PTPRS: variants seen among roughly 807,000 people sequenced by gnomAD.
The protein encoded by PTPRS is protein tyrosine phosphatase receptor type S, also known as receptor-type tyrosine-protein phosphatase S.
In PTPRS, 63 loss-of-function variants were observed where a neutral mutation model predicts 215.3. The ratio of observed to expected loss-of-function variants is 0.29; its 90% CI spans 0.24 to 0.36. The LOEUF (loss-of-function observed/expected upper bound fraction) is 0.36, where lower values mean the gene tolerates loss of function less well. PTPRS is among the 10% of genes least tolerant of loss of function. The probability of loss-of-function intolerance (pLI) is 1.00; values close to 1 mark genes in which losing one functional copy is unlikely to be tolerated. For missense variants in PTPRS, 2,258 were observed against 2,825.8 expected (o/e 0.80, Z 4.56); for synonymous variants, 1,404 against 1,191.4 (o/e 1.18, Z -3.68).
chr19:5,212,120 T>A lies in PTPRS; in HGVS notation c.4900A>T (p.Thr1634Ser). 6.2e-7 allele frequency: 1 copy of A among 1,614,092 alleles called. No homozygotes were observed. Among genetic ancestry groups the A allele is most frequent in the Non-Finnish European group, 8.5e-7 (1 of 1,180,050 alleles). Residue 1634 changes from threonine (T) to serine (S), a missense_variant, in exon 32 of 38, where the codon ACG (threonine) becomes TCG (serine). By Grantham distance (58) the Thr-to-Ser change is moderately conservative. Coordinates refer to ENST00000262963, the MANE Select transcript of PTPRS (RefSeq NM_002850.4). ...TGGATGAAGCTGTACTGGTCCTCCG[T>A]CTGCACCATGTAGTTGCGCTGGGAC... ...MRSQRNYMVQ[T>S]EDQYSFIHEA...
At chr19:5,280,753 C>T (rs1354117008) in intron 2 of PTPRS, among the ~76,000 whole-genome samples, 2 of 151,662 alleles carry the variant, frequency 1.3e-5, no homozygotes, top group African/African-American at 4.8e-5. Context: ...AATCACTAGA[C>T]CCACCATGTA....
At position 5,245,813 on chromosome 19, in the gene PTPRS, C is replaced by A. The variant is rs868428680; in HGVS notation, c.951G>T (p.Leu317=). 1.7e-5 allele frequency: 28 copies of A among 1,612,228 alleles called. No individual in the cohort carries two copies. The Middle Eastern group carries it at 1.7e-3, about 95-fold the overall frequency. The change falls in exon 10 of 38, where the codon CTG becomes CTT. Residue 317 remains leucine (L), a synonymous_variant. Transcript: ENST00000262963. The stretch of plus-strand genomic sequence containing the variant: ...TCTGAGCAACCGCCTCAATGACGCC[C>A]AGGCTGGACATGGCCACGCAGGTGT... ...ANYTCVAMSS[L]GVIEAVAQIT...
rs114955908 is a variant in PTPRS at position 5,308,130 on chromosome 19, T to C, written c.-94-21896A>G. Among the ~76,000 whole-genome samples the C allele has an allele frequency of 6.4e-3, 982 of 152,312 alleles. 10 individuals are homozygous for C. Among genetic ancestry groups the C allele is most frequent in the African/African-American group, 0.023 (955 of 41,564 alleles). ...TTGTATCCCATGTGTACGCATTCTC[T>C]GGCCAGAACAACATATTAAAAATAA... On this transcript the variant is annotated intron_variant, in intron 1 of 37. Coordinates refer to ENST00000262963, the MANE Select transcript of PTPRS (RefSeq NM_002850.4).
chr19:5,337,239 T>C (rs1010758717), intron 1 of PTPRS, among the ~76,000 whole-genome samples: 1 of 152,244 alleles, frequency 6.6e-6, no homozygotes, highest in African/African-American at 2.4e-5. Flanking sequence ...TATCCCTTTT[T>C]ATTTTTAGGG....
rs2049010937 is a variant in PTPRS, at chr19:5,293,430, C to A, written c.-94-7196G>T. 6.6e-6 allele frequency among the ~76,000 whole-genome samples: 1 copy of A among 151,632 alleles called. No homozygotes were observed. The highest frequency in any genetic ancestry group is 2.4e-5 in the African/African-American group (1 of 41,274). ...ACCAGAGGGGAGCCCCATCTGGAGG[C>A]GCGGAGAGCCTCCGCAGGAGTCCAT... On this transcript the variant is annotated intron_variant, in intron 1 of 37. Coordinates refer to ENST00000262963, the MANE Select transcript of PTPRS (RefSeq NM_002850.4). The surrounding 1 kb of genome is among the most constrained non-coding windows in gnomAD (Gnocchi z 8.4).
Position 5,295,404 on chromosome 19 carries a change from T to C in PTPRS, c.-94-9170A>G, listed in dbSNP as rs1357400328. ...GCAGACTCTTGCCCCTATTCCACAG[T>C]GGTGACTGCAGTTGGCAGGGGACAC... On this transcript the variant is annotated intron_variant, in intron 1 of 37. Transcript: ENST00000262963. The surrounding 1 kb of genome is among the most constrained non-coding windows in gnomAD (Gnocchi z 4.6). 1.3e-5 allele frequency among the ~76,000 whole-genome samples: 2 copies of C among 152,110 alleles called. No homozygotes were observed. The highest frequency in any genetic ancestry group is 2.4e-5 in the African/African-American group (1 of 41,440).
chr19:5,302,337 C>T (rs1266717689), intron 1 of PTPRS, among the ~76,000 whole-genome samples: 1 of 152,198 alleles, frequency 6.6e-6, no homozygotes, highest in Non-Finnish European at 1.5e-5. Context: ...TAAACACCAG[C>T]TTGGGTGACA....
rs1240393686 is a variant in PTPRS at position 5,293,248 on chromosome 19, TCGGGAGAG to T, written c.-94-7022_-94-7015del. ...CCGGAGCGCGGCGCGCAGCGAAGACTCGGGAGAGGCCTCGGCCTGGGGAGCTCGGCCTG... is the reference window on the plus strand; with the variant it reads ...CCGGAGCGCGGCGCGCAGCGAAGACTGCCTCGGCCTGGGGAGCTCGGCCTG... On this transcript the variant is annotated intron_variant, in intron 1 of 37. Transcript: ENST00000262963. The surrounding 1 kb of genome is among the most constrained non-coding windows in gnomAD (Gnocchi z 8.4). The T allele has an allele frequency of 6.9e-6, 1 of 145,976 alleles. No individual in the cohort carries two copies. The highest frequency in any genetic ancestry group is 2.2e-4 in the East Asian group (1 of 4,574). The allele number at this position is 145,976 out of a possible 1,614,324, so 9.0% of individuals were successfully genotyped here. A position where few individuals can be genotyped will look rare whatever the true frequency, so the allele number is the denominator to read the frequency against.
chr19:5,332,751 G>A (rs547029279), intron 1 of PTPRS, among the ~76,000 whole-genome samples: 6 of 152,234 alleles, frequency 3.9e-5, no homozygotes, highest in Non-Finnish European at 8.8e-5. Context: ...GCCTTGGCCT[G>A]ACAGATGTTC....
chr19:5,245,935 T>C lies in PTPRS; in HGVS notation c.829A>G (p.Lys277Glu). 1 of 1,613,358 alleles carries C rather than the reference T, an allele frequency of 6.2e-7. No individual in the cohort carries two copies. Among genetic ancestry groups the C allele is most frequent in the Non-Finnish European group, 8.5e-7 (1 of 1,179,764 alleles). ...AGGTCCTCGGCCCCCTGCATCCACTTCACGTATGGCATGGGCGAGCCCACG... is the reference window on the plus strand; with the variant it reads ...AGGTCCTCGGCCCCCTGCATCCACTCCACGTATGGCATGGGCGAGCCCACG... ...VAVGSPMPYVKWMQGAEDLTP... is the reference protein window; with the variant it reads ...VAVGSPMPYVEWMQGAEDLTP... Residue 277 changes from lysine to glutamate, a missense_variant, in exon 10 of 38, where the codon AAG becomes GAG. By Grantham distance (56) the Lys-to-Glu change is moderately conservative. Around this residue, in one of 6 missense-constraint regions of PTPRS, gnomAD observed 508 missense variants for 799.4 expected, o/e 0.64. Coordinates refer to ENST00000262963, the MANE Select transcript of PTPRS (RefSeq NM_002850.4).
At chr19:5,274,090 T>C (rs1214504347) in intron 3 of PTPRS, 109 bp downstream of exon 3, 3 of 1,446,250 alleles carry the variant, frequency 2.1e-6, no homozygotes, top group Non-Finnish European at 2.8e-6. Flanking sequence ...TGGCCACAGA[T>C]GATGCTCCAC....
In PTPRS at chr19:5,222,932, C is replaced by A. The variant is rs749987801; in HGVS notation, c.2860G>T (p.Val954Leu). The A allele has an allele frequency of 5.1e-6, 8 of 1,557,826 alleles. No homozygotes were observed. In the Admixed American group the frequency reaches 1.5e-4, roughly 29 times the overall value. Residue 954 changes from valine (V) to leucine (L), a missense_variant, in exon 18 of 38, where the codon GTG (valine) becomes TTG (leucine). Around this residue, in one of 6 missense-constraint regions of PTPRS, gnomAD observed 361 missense variants for 332.6 expected, o/e 1.09. Transcript: ENST00000262963. The stretch of plus-strand genomic sequence containing the variant: ...ATGGCCCCGTTGCGCTCGGCGGGCA[C>A]GGGTGGCAGCCAGCGGAGAAGGACG... ...GTVLLRWLPP[V>L]PAERNGAIVK...
intron 2 of PTPRS, among the ~76,000 whole-genome samples, chr19:5,275,951 A>G (rs2047325323): frequency 6.6e-6 from 1 of 152,246 alleles, no homozygotes; most frequent in Non-Finnish European, 1.5e-5. Context: ...CCTAGCCTCG[A>G]GCAATCCTCC....
At chr19:5,274,754 T>C (rs1036388929) in intron 2 of PTPRS, among the ~76,000 whole-genome samples, 2 of 152,170 alleles carry the variant, frequency 1.3e-5, no homozygotes, top group African/African-American at 2.4e-5. Flanking sequence ...CCCTCCATGG[T>C]GACCAGCCAA....
intron 22 of PTPRS, 42 bp from the exon 23 acceptor site, chr19:5,219,509 C>T (rs1411803631): frequency 6.6e-7 from 1 of 1,519,412 alleles, no homozygotes; most frequent in African/African-American, 1.4e-5. Context: ...GTCCACCCTC[C>T]TTGTAGTGGC....
At chr19:5,248,364 AAACAC>A (rs1382939391) in intron 9 of PTPRS, among the ~76,000 whole-genome samples, 2 of 151,866 alleles carry the variant, frequency 1.3e-5, no homozygotes, top group Admixed American at 1.3e-4. Context: ...CTCCAAAACA[AAACAC>A]AACACCCAAA....
chr19:5,229,727 C>T, intron 14 of PTPRS, 43 bp from the exon 15 acceptor site: 1 of 1,185,846 alleles, frequency 8.4e-7, no homozygotes, highest in Non-Finnish European at 1.1e-6. Flanking sequence ...GGAGCCGTTA[C>T]CAGGGCGCCC....
In PTPRS at chr19:5,229,347, G is replaced by C. The variant is rs1336406913; in HGVS notation, c.2350-5C>G. The C allele has an allele frequency of 7.2e-7, 1 of 1,380,688 alleles. No individual in the cohort carries two copies. Among genetic ancestry groups the C allele is most frequent in the Non-Finnish European group, 9.4e-7 (1 of 1,062,394 alleles). The allele number at this position is 1,380,688 out of a possible 1,614,324, so 85.5% of individuals were successfully genotyped here. On this transcript the variant is annotated splice_region_variant and splice_polypyrimidine_tract_variant and intron_variant, in intron 15 of 37. Coordinates refer to ENST00000262963, the MANE Select transcript of PTPRS (RefSeq NM_002850.4). ...GGCCGTGTCATCCGTCTCCCACTGA[G>C]CGCGGGAGGAGGCGGCAGGGGAGAG...
intron 2 of PTPRS, among the ~76,000 whole-genome samples, chr19:5,282,929 G>T (rs1364068990): frequency 6.6e-6 from 1 of 152,186 alleles, no homozygotes. Context: ...GGGGTTGGGG[G>T]TCTTTATTGA....
Sources: allele counts gnomAD v4.1 joint callset (sites outside exome capture counted in the v4.1 genomes callset), GRCh38; gene constraint gnomAD v4.1.1; regional missense constraint gnomAD v4.1.1; non-coding constraint Gnocchi (gnomAD v3.1); transcripts MANE v1.5; gene names NCBI Gene and HGNC (gene_info 2026-07-23, HGNC 2026-07-21).